The following KLC1 variants were observed in gnomAD, a reference collection of about 807,000 sequenced individuals.
KLC1 encodes kinesin light chain 1.
Under a neutral mutation model 84.2 loss-of-function variants are expected in KLC1, and 30 were observed. The ratio of observed to expected loss-of-function variants is 0.36; its 90% CI spans 0.27 to 0.48. The LOEUF is 0.48. KLC1 is among the 20% of genes least tolerant of loss of function. The pLI is 0.99. For missense variants in KLC1, 499 were observed against 805.4 expected (o/e 0.62, Z 4.60); for synonymous variants, 289 against 293.3 (o/e 0.99, Z 0.15).
At chr14:103,635,996 C>T (rs1031950512) in intron 1 of KLC1, among the ~76,000 whole-genome samples, 4 of 152,052 alleles carry the variant, frequency 2.6e-5, no homozygotes, top group Admixed American at 6.6e-5. Context: ...GGGGAAACCT[C>T]GCGCCACTTC....
At chr14:103,699,699 C>T (rs1456490493) in intron 15 of KLC1, 1 of 900,882 alleles carries the variant, frequency 1.1e-6, no homozygotes, top group East Asian at 2.6e-5. Context: ...CTCACAGTGC[C>T]CATACTCTGT....
intron 15 of KLC1, chr14:103,699,280 C>T: frequency 6.5e-7 from 1 of 1,541,410 alleles, no homozygotes. Context: ...CTCACTGCCA[C>T]CCGCCCCACC....
At chr14:103,630,298 A>G (rs1028147370) in intron 1 of KLC1, among the ~76,000 whole-genome samples, 4 of 152,196 alleles carry the variant, frequency 2.6e-5, no homozygotes, top group Non-Finnish European at 5.9e-5. Flanking sequence ...TGGTTTTATA[A>G]CTTAACATTT....
intron 15 of KLC1, chr14:103,699,894 T>C (rs2082989838): frequency 1.5e-5 from 6 of 409,468 alleles, no homozygotes; most frequent in South Asian, 1.3e-4. Flanking sequence ...TCCTGAGTCC[T>C]TGCGGGGGTC....
rs148689642 is a variant in KLC1, at chr14:103,678,036, A to G, written c.1488+513A>G. Among the ~76,000 whole-genome samples the G allele has an allele frequency of 2.6e-4, 40 of 150,956 alleles. 1 individual carries two copies. Among genetic ancestry groups the G allele is most frequent in the African/African-American group, 8.0e-4 (33 of 41,116 alleles). ...CACACTTGAATCCCAGCACTTTGGG[A>G]GGCCAAGGTGGGTAGATTGCCTGAG... On this transcript the variant is annotated intron_variant, in intron 12 of 16. Coordinates refer to ENST00000334553, the MANE Select transcript of KLC1 (RefSeq NM_001394837.1).
At chr14:103,688,977 TTAC>T (rs1478573423) in intron 14 of KLC1, among the ~76,000 whole-genome samples, 1 of 152,198 alleles carries the variant, frequency 6.6e-6, no homozygotes, top group Non-Finnish European at 1.5e-5. Context: ...AAATGATAGA[TTAC>T]TATCTGCCTC....
intron 15 of KLC1, chr14:103,700,072 G>C (rs79946933): frequency 1.7e-5 from 4 of 229,770 alleles, no homozygotes; most frequent in Admixed American, 5.2e-5. Context: ...CAGCAAGGCA[G>C]GGGCCTGATG....
intron 5 of KLC1, among the ~76,000 whole-genome samples, chr14:103,668,994 G>A (rs908321894): frequency 1.3e-5 from 2 of 150,182 alleles, no homozygotes; most frequent in African/African-American, 4.9e-5. Flanking sequence ...TAGCCAGGAT[G>A]GTCTCGATCT....
intron 2 of KLC1, 107 bp from the exon 3 acceptor site, chr14:103,657,439 T>C (rs1329197581): frequency 2.6e-6 from 2 of 755,462 alleles, no homozygotes; most frequent in Non-Finnish European, 4.4e-6. Context: ...TTGGAGAAAA[T>C]ATCTGCGAGT....
chr14:103,644,214 CAAAA>C (rs376316737), intron 1 of KLC1, among the ~76,000 whole-genome samples: 2 of 59,082 alleles, frequency 3.4e-5, no homozygotes, highest in Non-Finnish European at 6.1e-5. Context: ...GACTCTGTCT[CAAAA>C]AAAAAAAAAA....
rs138369609 is a variant in KLC1, at chr14:103,667,931, G to T, written c.798-1580G>T. The stretch of plus-strand genomic sequence containing the variant: ...AGCACGCTTAAACTGAGAGTTTCTG[G>T]TTCTGGGGTGTTTCTGTTTTACTCC... On this transcript the variant is annotated intron_variant, in intron 5 of 16. Coordinates refer to ENST00000334553, the MANE Select transcript of KLC1 (RefSeq NM_001394837.1). Among the ~76,000 whole-genome samples the T allele has an allele frequency of 5.1e-3, 777 of 152,284 alleles. 11 individuals are homozygous for T. The highest frequency in any genetic ancestry group is 0.017 in the African/African-American group (723 of 41,550).
intron 15 of KLC1, chr14:103,699,290 C>T (rs2082890646): frequency 1.3e-6 from 2 of 1,544,710 alleles, no homozygotes; most frequent in Admixed American, 2.0e-5. Context: ...CCCGCCCCAC[C>T]TCCAGACCGG....
intron 1 of KLC1, among the ~76,000 whole-genome samples, chr14:103,649,908 G>A (rs1366400681): frequency 6.6e-6 from 1 of 152,024 alleles, no homozygotes; most frequent in African/African-American, 2.4e-5. Flanking sequence ...TGTTAGCCAG[G>A]GTGGTCTCGA....
chr14:103,690,658 GTTCAGAA>G (rs2082054758), intron 14 of KLC1, among the ~76,000 whole-genome samples: 1 of 152,190 alleles, frequency 6.6e-6, no homozygotes, highest in African/African-American at 2.4e-5. Flanking sequence ...TGCAGTTCAC[GTTCAGAA>G]TTCAAGTAAC....
At chr14:103,647,968 T>C (rs2078084351) in intron 1 of KLC1, among the ~76,000 whole-genome samples, 1 of 152,012 alleles carries the variant, frequency 6.6e-6, no homozygotes, top group Admixed American at 6.6e-5. Flanking sequence ...TTTTTTTCTT[T>C]TGAGACGGAG....
intron 1 of KLC1, among the ~76,000 whole-genome samples, chr14:103,634,120 C>T (rs1483111003): frequency 1.3e-5 from 2 of 152,116 alleles, no homozygotes; most frequent in African/African-American, 2.4e-5. Flanking sequence ...CCACCTGCCT[C>T]AGCCTCCCAA....
At chr14:103,676,234 G>C (rs1393435277) in intron 11 of KLC1, among the ~76,000 whole-genome samples, 1 of 152,130 alleles carries the variant, frequency 6.6e-6, no homozygotes, top group Non-Finnish European at 1.5e-5. Context: ...TGCTGTCCCT[G>C]GGTCCAGGTG....
rs534098965 is a variant in KLC1 at position 103,629,312 on chromosome 14, G to C, written c.-184G>C. 3.2e-3 allele frequency: 496 copies of C among 153,138 alleles called. 1 individual carries two copies. The highest frequency in any genetic ancestry group is 5.5e-3 in the Non-Finnish European group (376 of 68,794). 9.5% of individuals were successfully genotyped at this position (153,138 alleles called of 1,614,324 possible). On this transcript the variant is annotated 5_prime_UTR_variant, in exon 1 of 17. Transcript: ENST00000334553. Reference sequence around the variant, plus strand: ...CGGGGCTGTGCTCGGCGGCCAAGGGGACAGCGCGTGGGTGGCCGAGGATGC... The same window carrying C: ...CGGGGCTGTGCTCGGCGGCCAAGGGCACAGCGCGTGGGTGGCCGAGGATGC...
intron 13 of KLC1, chr14:103,686,605 C>G (rs2081794291): frequency 6.6e-6 from 1 of 152,306 alleles, no homozygotes; most frequent in African/African-American, 2.4e-5. Context: ...GTACCTCCAA[C>G]TATTGCATTT....
Sources: allele counts gnomAD v4.1 joint callset (sites outside exome capture counted in the v4.1 genomes callset), GRCh38; gene constraint gnomAD v4.1.1; transcripts MANE v1.5; gene names NCBI Gene and HGNC (gene_info 2026-07-23, HGNC 2026-07-21).